Variants in PIP5KL1 observed in about 807,000 individuals in gnomAD.
PIP5KL1 encodes the protein phosphatidylinositol 4-phosphate 5-kinase-like protein 1.
A neutral mutation model predicts 47.6 loss-of-function variants in PIP5KL1; 45 were observed. That is an observed-to-expected ratio of 0.94 (90% CI 0.74 to 1.21). The LOEUF is 1.21. Ranked by LOEUF, PIP5KL1 falls within the 50% of genes most tolerant of loss-of-function variation. The pLI is 0.00. For synonymous variants in PIP5KL1, 256 were observed against 234.6 expected (o/e 1.09, Z -0.84); for missense variants, 577 against 547.6 (o/e 1.05, Z -0.54).
Position 127,929,768 on chromosome 9 carries a change from G to T in PIP5KL1, c.148C>A (p.His50Asn), listed in dbSNP as rs1564139220. 1 of 1,570,494 alleles carries T rather than the reference G, an allele frequency of 6.4e-7. No individual in the cohort carries two copies. The highest frequency in any genetic ancestry group is 1.4e-5 in the African/African-American group (1 of 73,820). ...RLGLFEISPG[H>N]ELHGMTCMMQ... ...ATGCACGTCATCCCATGCAGTTCATGCCCCGGGCTGATCTCAAACAGGCCC... is the reference window on the plus strand; with the variant it reads ...ATGCACGTCATCCCATGCAGTTCATTCCCCGGGCTGATCTCAAACAGGCCC... The change falls in exon 2 of 10, where the codon CAT (histidine) becomes AAT (asparagine). Residue 50 changes from histidine to asparagine, a missense_variant. Coordinates refer to ENST00000388747, the MANE Select transcript of PIP5KL1 (RefSeq NM_001135219.2). This position sits in a 1 kb window ranked among gnomAD's most constrained non-coding sequence, Gnocchi z 4.0.
Position 127,925,957 on chromosome 9 carries a change from C to T in PIP5KL1, c.673G>A (p.Val225Met). 1 of 1,613,616 alleles carries T rather than the reference C, an allele frequency of 6.2e-7. No individual in the cohort carries two copies. The highest frequency in any genetic ancestry group is 8.5e-7 in the Non-Finnish European group (1 of 1,179,780). Residue 225 changes from valine to methionine, a missense_variant, in exon 8 of 10, where the codon GTG becomes ATG. Val to Met is a conservative substitution (Grantham distance 21, BLOSUM62 1). Transcript: ENST00000388747. The stretch of plus-strand genomic sequence containing the variant: ...GGGGCGGGATCCACCCAGCGGCTCA[C>T]CTCGCAGCCTTTGATGTCATACCTG... ...SERYDIKGCEVSRWVDPAPEG... is the reference protein window; with the variant it reads ...SERYDIKGCEMSRWVDPAPEG...
Position 127,925,186 on chromosome 9 carries a change from A to C in PIP5KL1, c.838T>G (p.Tyr280Asp), listed in dbSNP as rs747114885. The C allele has an allele frequency of 1.2e-6, 2 of 1,614,122 alleles. No individual in the cohort carries two copies. Among genetic ancestry groups the C allele is most frequent in the Non-Finnish European group, 8.5e-7 (1 of 1,180,048 alleles). ...TFLRELNVLD[Y>D]SLLIAFQRLH... The stretch of plus-strand genomic sequence containing the variant: ...CGTTGGAAGGCTATCAGGAGGCTGT[A>C]ATCCAGCACGTTGAGCTCCCGGAGG... Residue 280 changes from tyrosine to aspartate, a missense_variant, in exon 9 of 10, where the codon TAC (tyrosine) becomes GAC (aspartate). Physicochemically the swap from Tyr to Asp is radical, Grantham distance 160. Transcript: ENST00000388747.
At chr9:127,926,537 G>A (rs1288613204) in intron 7 of PIP5KL1, among the ~76,000 whole-genome samples, 3 of 152,248 alleles carry the variant, frequency 2.0e-5, no homozygotes, top group East Asian at 1.9e-4. Context: ...GATTACAAGC[G>A]TGACGCACCA....
chr9:127,927,152 C>T lies in PIP5KL1; in HGVS notation c.650+1G>A, dbSNP rs748811078. The T allele has an allele frequency of 4.3e-6, 7 of 1,610,696 alleles. No individual in the cohort carries two copies. In the Admixed American group the frequency reaches 6.7e-5, roughly 15 times the overall value. ...GGCCCAAACCTGCTTAGGCCACTCACCTCTCGGAGATGCGGCCGGCGGGGT... is the reference window on the plus strand; with the variant it reads ...GGCCCAAACCTGCTTAGGCCACTCATCTCTCGGAGATGCGGCCGGCGGGGT... On this transcript the variant is annotated splice_donor_variant, in intron 7 of 9. Transcript: ENST00000388747. LOFTEE classifies it high-confidence loss of function. The surrounding 1 kb of genome is among the most constrained non-coding windows in gnomAD (Gnocchi z 5.5).
intron 9 of PIP5KL1, among the ~76,000 whole-genome samples, chr9:127,924,185 G>C (rs1831326799): frequency 6.6e-6 from 1 of 152,090 alleles, no homozygotes; most frequent in Non-Finnish European, 1.5e-5. Context: ...TGGTCAACAT[G>C]GCGAAACCCC....
chr9:127,930,638 C>A, intron 1 of PIP5KL1, 85 bp downstream of exon 1: 2 of 1,420,844 alleles, frequency 1.4e-6, no homozygotes, highest in South Asian at 1.5e-5. Flanking sequence ...TGGATGGGGG[C>A]GTGTCCGCGC....
Position 127,925,277 on chromosome 9 carries a change from GC to G in PIP5KL1, c.764-18del, listed in dbSNP as rs1315627415. 3 of 1,609,182 alleles carry G rather than the reference GC, an allele frequency of 1.9e-6. No homozygotes were observed. In the African/African-American group the frequency reaches 4.0e-5, roughly 21 times the overall value. ...GCTGGGGCCCTGCCGGAGCATCAGT[GC>G]CCCCACCTGAGCGCTCATCATGTGC... On this transcript the variant is annotated intron_variant, in intron 8 of 9. Coordinates refer to ENST00000388747, the MANE Select transcript of PIP5KL1 (RefSeq NM_001135219.2).
At chr9:127,922,511 C>T (rs1281659298) in intron 9 of PIP5KL1, among the ~76,000 whole-genome samples, 1 of 151,820 alleles carries the variant, frequency 6.6e-6, no homozygotes, top group Non-Finnish European at 1.5e-5. Context: ...CATGACATGG[C>T]GAAACCCCAT....
intron 3 of PIP5KL1, 31 bp from the exon 4 acceptor site, chr9:127,928,250 G>A (rs1003439349): frequency 1.5e-5 from 23 of 1,528,706 alleles, no homozygotes; most frequent in East Asian, 2.5e-5. Context: ...CCTCTGGAGT[G>A]TCTGCGTGGG....
In PIP5KL1 at chr9:127,928,099, T is replaced by A; in HGVS notation, c.400A>T (p.Ser134Cys). Residue 134 changes from serine (S) to cysteine (C), a missense_variant, in exon 4 of 10, where the codon AGC becomes TGC. By Grantham distance (112) the Ser-to-Cys change is moderately radical (BLOSUM62 -1). Coordinates refer to ENST00000388747, the MANE Select transcript of PIP5KL1 (RefSeq NM_001135219.2). ...GPGGPYLQFL[S>C]TSKSKASFFL... ...AAGCTGGCCTTGCTCTTGGAGGTGC[T>A]GAGGAACTGCAGGTAGGGGCCGCCG... is the stretch of plus-strand genomic sequence containing the variant. 1 of 1,556,186 alleles carries A rather than the reference T, an allele frequency of 6.4e-7. No homozygotes were observed. Among genetic ancestry groups the A allele is most frequent in the Non-Finnish European group, 8.7e-7 (1 of 1,151,658 alleles).
chr9:127,928,265 G>C, intron 3 of PIP5KL1, 46 bp from the exon 4 acceptor site: 1 of 1,530,456 alleles, frequency 6.5e-7, no homozygotes, highest in Non-Finnish European at 8.8e-7. Flanking sequence ...CGTGGGCCCG[G>C]GTGTGTGCAG....
In PIP5KL1 at chr9:127,929,138, T is replaced by C. The variant is rs1186390141; in HGVS notation, c.228+550A>G. 1.3e-5 allele frequency among the ~76,000 whole-genome samples: 2 copies of C among 152,204 alleles called. No homozygotes were observed. Among genetic ancestry groups the C allele is most frequent in the Non-Finnish European group, 2.9e-5 (2 of 68,024 alleles). ...GATTTAGAGAACTCCCTCGAGTCTC[T>C]ACACTTTCCCTGGATCTCCAGGTCC... On this transcript the variant is annotated intron_variant, in intron 2 of 9. Coordinates refer to ENST00000388747, the MANE Select transcript of PIP5KL1 (RefSeq NM_001135219.2). The surrounding 1 kb of genome is among the most constrained non-coding windows in gnomAD (Gnocchi z 4.0).
Position 127,929,560 on chromosome 9 carries a change from T to C in PIP5KL1, c.228+128A>G, listed in dbSNP as rs1319432188. 8.8e-6 allele frequency: 9 copies of C among 1,019,794 alleles called. No individual in the cohort carries two copies. Among genetic ancestry groups the C allele is most frequent in the Non-Finnish European group, 1.3e-5 (9 of 714,232 alleles). 63.2% of individuals were successfully genotyped at this position (1,019,794 alleles called of 1,614,324 possible). A position where few individuals can be genotyped will look rare whatever the true frequency, so the allele number is the denominator to read the frequency against. ...TCCAGCTCCCACACCACAATGTTCC[T>C]CCCTCTCTGCCTTCCTCCCCTTGAT... On this transcript the variant is annotated intron_variant, in intron 2 of 9. Coordinates refer to ENST00000388747, the MANE Select transcript of PIP5KL1 (RefSeq NM_001135219.2). The surrounding 1 kb of genome is among the most constrained non-coding windows in gnomAD (Gnocchi z 4.0).
chr9:127,926,138 TTC>T (rs1190425172), intron 7 of PIP5KL1, among the ~76,000 whole-genome samples, 159 bp from the exon 8 acceptor site: 3 of 151,814 alleles, frequency 2.0e-5, no homozygotes, highest in Admixed American at 1.3e-4. Flanking sequence ...CTTTCTTTCT[TTC>T]TCTCTTTTCT....
intron 1 of PIP5KL1, 133 bp downstream of exon 1, chr9:127,930,590 G>T (rs1380770101): frequency 8.6e-7 from 1 of 1,156,476 alleles, no homozygotes; most frequent in Non-Finnish European, 1.1e-6. Flanking sequence ...TGTGGGGCGT[G>T]TCCTGGTCTT....
At position 127,929,785 on chromosome 9, in the gene PIP5KL1, A is replaced by G. The variant is rs372457043; in HGVS notation, c.131T>C (p.Phe44Ser). 6.4e-7 allele frequency: 1 copy of G among 1,560,044 alleles called. No individual in the cohort carries two copies. The highest frequency in any genetic ancestry group is 8.7e-7 in the Non-Finnish European group (1 of 1,152,890). ...LRDKQSRLGL[F>S]EISPGHELHG... The stretch of plus-strand genomic sequence containing the variant: ...CAGTTCATGCCCCGGGCTGATCTCA[A>G]ACAGGCCCAGGCGAGACTGCTTGTC... The change falls in exon 2 of 10, where the codon TTT (phenylalanine) becomes TCT (serine). Residue 44 changes from phenylalanine (F) to serine (S), a missense_variant. Phe to Ser is a radical substitution (Grantham distance 155). Transcript: ENST00000388747. This position sits in a 1 kb window ranked among gnomAD's most constrained non-coding sequence, Gnocchi z 4.0.
chr9:127,927,767 T>G lies in PIP5KL1; in HGVS notation c.440A>C (p.Asp147Ala), dbSNP rs1025033529. ...KSKASFFLSH[D>A]QRFFLKTQGR... ...CTGGGTCTTCAGGAAGAAGCGCTGG[T>G]CGTGGCTGGGGGGCAAGAGAAAGAG... Residue 147 changes from aspartate (D) to alanine (A), a missense_variant, in exon 5 of 10, where the codon GAC becomes GCC. Physicochemically the swap from Asp to Ala is moderately radical, Grantham distance 126. Transcript: ENST00000388747. This position sits in a 1 kb window ranked among gnomAD's most constrained non-coding sequence, Gnocchi z 5.5. The G allele has an allele frequency of 1.9e-6, 3 of 1,562,030 alleles. No individual in the cohort carries two copies. The African/African-American group carries it at 4.1e-5, about 21-fold the overall frequency.
intron 4 of PIP5KL1, 25 bp downstream of exon 4, chr9:127,928,040 T>G: frequency 9.9e-6 from 8 of 809,174 alleles, no homozygotes; most frequent in Non-Finnish European, 1.5e-5. Flanking sequence ...CTCCCACCCC[T>G]GCCCCACCCC....
At chr9:127,922,380 C>T (rs1267745351) in intron 9 of PIP5KL1, among the ~76,000 whole-genome samples, 1 of 152,212 alleles carries the variant, frequency 6.6e-6, no homozygotes, top group African/African-American at 2.4e-5. Flanking sequence ...ACAATACATA[C>T]TCAATTTCAA....
Sources: gnomAD v4.1 joint callset for allele counts (sites outside exome capture counted in the v4.1 genomes callset) on GRCh38, gnomAD v4.1.1 for gene constraint, Gnocchi (gnomAD v3.1) non-coding constraint, MANE v1.5 for transcripts, NCBI Gene and HGNC (gene_info 2026-07-23, HGNC 2026-07-21) for gene names.